The following TPRA1 variants were observed in gnomAD, a reference collection of about 807,000 sequenced individuals.
TPRA1 encodes transmembrane protein adipocyte-associated 1.
TPRA1 carries 28 observed loss-of-function variants against 40.1 expected under a neutral mutation model. That is an observed-to-expected ratio of 0.70 (90% confidence interval 0.52 to 0.96). The LOEUF (loss-of-function observed/expected upper bound fraction) is 0.96, where lower values mean the gene tolerates loss of function less well. Ranked by LOEUF, TPRA1 falls within the 40% of genes least tolerant of loss-of-function variation. The pLI, the probability that TPRA1 is intolerant of heterozygous loss-of-function variation, is 0.00. For missense variants in TPRA1, 441 were observed against 482.6 expected (o/e 0.91, Z 0.81); for synonymous variants, 219 against 209.7 (o/e 1.04, Z -0.38).
rs1312379880 is a variant in TPRA1 at position 127,572,589 on chromosome 3, G to A, written c.*932C>T. ...CCTGTCTGCTGGGGGCCTACTATGT[G>A]CCAAGCACTATTCTTGAGGCTAAAA... On this transcript the variant is annotated 3_prime_UTR_variant, in exon 11 of 11. Coordinates refer to ENST00000355552, the MANE Select transcript of TPRA1 (RefSeq NM_001136053.4). 6.6e-6 allele frequency among the ~76,000 whole-genome samples: 1 copy of A among 152,162 alleles called. No individual in the cohort carries two copies. Among genetic ancestry groups the A allele is most frequent in the East Asian group, 1.9e-4 (1 of 5,192 alleles).
chr3:127,589,061 G>A (rs1343660718), intron 1 of TPRA1, among the ~76,000 whole-genome samples: 2 of 151,412 alleles, frequency 1.3e-5, no homozygotes. Context: ...GAGCACCCTG[G>A]GCAACCCCAG....
At chr3:127,583,974 G>A (rs975982015) in intron 1 of TPRA1, among the ~76,000 whole-genome samples, 2 of 150,046 alleles carry the variant, frequency 1.3e-5, no homozygotes, top group Non-Finnish European at 3.0e-5. Context: ...CAGCCCACAC[G>A]TGCTTTTATT....
chr3:127,575,942 G>C lies in TPRA1; in HGVS notation c.607C>G (p.Leu203Val). The change falls in exon 7 of 11, where the codon CTG (leucine) becomes GTG (valine). Residue 203 changes from leucine (L) to valine (V), a missense_variant and splice_region_variant. By Grantham distance (32) the Leu-to-Val change is conservative. Coordinates refer to ENST00000355552, the MANE Select transcript of TPRA1 (RefSeq NM_001136053.4). The part of the protein sequence containing the change: ...FWLVSSCFFF[L>V]VYSLVVILPK... ...AGCTGCCCCAGCCTGAACCTCACCA[G>C]GAAGAAGAAGCAGGAGCTGACCAGC... 6.2e-7 allele frequency: 1 copy of C among 1,613,940 alleles called. No homozygotes were observed. Among genetic ancestry groups the C allele is most frequent in the South Asian group, 1.1e-5 (1 of 91,088 alleles).
In TPRA1 at chr3:127,572,126, C is replaced by A. The variant is rs542073464; in HGVS notation, c.*1395G>T. On this transcript the variant is annotated 3_prime_UTR_variant, in exon 11 of 11. Transcript: ENST00000355552. ...CCAGCTCACTGGCCGTACTGTTGGCCCTGTCCGCTATCAACCCTCCAGGCC... is the reference window on the plus strand; with the variant it reads ...CCAGCTCACTGGCCGTACTGTTGGCACTGTCCGCTATCAACCCTCCAGGCC... 6.6e-6 allele frequency among the ~76,000 whole-genome samples: 1 copy of A among 152,226 alleles called. No homozygotes were observed. Among genetic ancestry groups the A allele is most frequent in the Admixed American group, 6.5e-5 (1 of 15,288 alleles).
chr3:127,583,880 A>C (rs1378159238), intron 1 of TPRA1, among the ~76,000 whole-genome samples: 8 of 152,036 alleles, frequency 5.3e-5, no homozygotes, highest in Non-Finnish European at 1.2e-4. Flanking sequence ...CACGTTGGCC[A>C]GGATGGTCTC....
chr3:127,574,937 CATGTGT>C lies in TPRA1; in HGVS notation c.854+242_854+247del, dbSNP rs1287053706. The stretch of plus-strand genomic sequence containing the variant: ...ATGTGCGTGTTTGTGTGTGCATGTG[CATGTGT>C]GCATGCTTGTGCATCCGTGTGTGCA... On this transcript the variant is annotated intron_variant, in intron 10 of 10. Transcript: ENST00000355552. 1.6e-4 allele frequency: 87 copies of C among 559,720 alleles called. No homozygotes were observed. The South Asian group carries it at 1.7e-3, about 11-fold the overall frequency. The allele number at this position is 559,720 out of a possible 1,614,324, so 34.7% of individuals were successfully genotyped here. A position where few individuals can be genotyped will look rare whatever the true frequency, so the allele number is the denominator to read the frequency against.
At position 127,590,707 on chromosome 3, in the gene TPRA1, C is replaced by A. The variant is rs1320063017; in HGVS notation, c.-315G>T. On this transcript the variant is annotated 5_prime_UTR_variant, in exon 1 of 11. Transcript: ENST00000355552. ...AGCAAGACCGTCTTTTTCGTCCAGCCCAAATTGCGAAAACGGCCACAGTCC... is the reference window on the plus strand; with the variant it reads ...AGCAAGACCGTCTTTTTCGTCCAGCACAAATTGCGAAAACGGCCACAGTCC... 1 of 152,354 alleles carries A rather than the reference C, an allele frequency of 6.6e-6. No homozygotes were observed. Among genetic ancestry groups the A allele is most frequent in the South Asian group, 2.1e-4 (1 of 4,840 alleles). The allele number at this position is 152,354 out of a possible 1,614,324, so 9.4% of individuals were successfully genotyped here.
chr3:127,592,455 G>A (rs1342939676), upstream of TPRA1, among the ~76,000 whole-genome samples: 1 of 139,394 alleles, frequency 7.2e-6, no homozygotes, highest in Non-Finnish European at 1.5e-5. Context: ...GCGCAATCTC[G>A]GCTCACTGCA....
rs115088402 is a variant in TPRA1, at chr3:127,583,512, T to A, written c.-17-3349A>T. ...GACCTTGCCTCAAAAAAGAATAAAT[T>A]AATTAATTAAAAATAATAAAATGAG... On this transcript the variant is annotated intron_variant, in intron 1 of 10. Transcript: ENST00000355552. 2.6e-3 allele frequency among the ~76,000 whole-genome samples: 399 copies of A among 151,976 alleles called. 4 individuals carry two copies. The highest frequency in any genetic ancestry group is 9.1e-3 in the African/African-American group (378 of 41,472).
In TPRA1 at chr3:127,576,393, C is replaced by T. The variant is rs138653479; in HGVS notation, c.498+224G>A. Among the ~76,000 whole-genome samples, 122 of 152,288 alleles carry T rather than the reference C, an allele frequency of 8.0e-4. 2 individuals carry two copies. The East Asian group carries it at 0.017, about 22-fold the overall frequency. On this transcript the variant is annotated intron_variant, in intron 6 of 10. Transcript: ENST00000355552. The surrounding 1 kb of genome is among the most constrained non-coding windows in gnomAD (Gnocchi z 4.6). Reference sequence around the variant, plus strand: ...TCCCTACCTGAACTCCTTATTAAAACGGCAAGTCCTGAGCCTCCCATCCTG... The same window carrying T: ...TCCCTACCTGAACTCCTTATTAAAATGGCAAGTCCTGAGCCTCCCATCCTG...
upstream of TPRA1, among the ~76,000 whole-genome samples, chr3:127,592,275 G>A (rs2074186400): frequency 2.6e-5 from 4 of 151,820 alleles, no homozygotes; most frequent in Admixed American, 2.6e-4. Context: ...GTGTGACCAG[G>A]CCTAATAACT....
At chr3:127,584,833 T>G (rs1390911923) in intron 1 of TPRA1, among the ~76,000 whole-genome samples, 1 of 152,204 alleles carries the variant, frequency 6.6e-6, no homozygotes, top group Non-Finnish European at 1.5e-5. Flanking sequence ...AAAGAACTTT[T>G]TTTTTGTTAT....
chr3:127,586,397 T>G (rs1314329358), intron 1 of TPRA1, among the ~76,000 whole-genome samples: 2 of 152,112 alleles, frequency 1.3e-5, no homozygotes, highest in Non-Finnish European at 2.9e-5. Context: ...CAGGCTAGAG[T>G]GCAGTGGTGC....
chr3:127,590,467 G>A lies in TPRA1; in HGVS notation c.-75C>T, dbSNP rs11547209. 169 of 152,398 alleles carry A rather than the reference G, an allele frequency of 1.1e-3. 2 individuals carry two copies. The East Asian group carries it at 0.031, about 28-fold the overall frequency. The allele number at this position is 152,398 out of a possible 1,614,324, so 9.4% of individuals were successfully genotyped here. A position where few individuals can be genotyped will look rare whatever the true frequency, so the allele number is the denominator to read the frequency against. The stretch of plus-strand genomic sequence containing the variant: ...CCCCGGCCGCCCCGGCCGCCCATCC[G>A]CCGCCACTGGGTGTGCGCGGATCCA... On this transcript the variant is annotated 5_prime_UTR_variant, in exon 1 of 11. Transcript: ENST00000355552.
At chr3:127,589,644 C>T (rs1576398999) in intron 1 of TPRA1, among the ~76,000 whole-genome samples, 2 of 152,116 alleles carry the variant, frequency 1.3e-5, no homozygotes, top group South Asian at 2.1e-4. Flanking sequence ...CTGGTCCGTT[C>T]CTCAGGGCCT....
chr3:127,583,002 C>T (rs2107647895), intron 1 of TPRA1, among the ~76,000 whole-genome samples: 1 of 152,080 alleles, frequency 6.6e-6, no homozygotes, highest in East Asian at 1.9e-4. Context: ...AAAAATTAGC[C>T]GGGCATGGTG....
chr3:127,573,612 AC>A lies in TPRA1; in HGVS notation c.1030del (p.Val344TrpfsTer164), dbSNP rs1246428533. 6.2e-7 allele frequency: 1 copy of A among 1,612,730 alleles called. No homozygotes were observed. The highest frequency in any genetic ancestry group is 2.2e-5 in the East Asian group (1 of 44,866). ...GGAAGCGATGTCATCCAGGTAGGCC[AC>A]CCCGCCGGCAGAGTCGAACTGCGTG... is the stretch of plus-strand genomic sequence containing the variant. ...SSTQFDSAGGVAYLDDIASMP... is the reference protein window; with the variant it reads ...SSTQFDSAGGXAYLDDIASMP... On this transcript the variant is annotated frameshift_variant, in exon 11 of 11. Coordinates refer to ENST00000355552, the MANE Select transcript of TPRA1 (RefSeq NM_001136053.4). LOFTEE classifies it high-confidence loss of function.
chr3:127,577,184 G>T, intron 3 of TPRA1, 108 bp from the exon 4 acceptor site: 2 of 1,175,382 alleles, frequency 1.7e-6, no homozygotes, highest in South Asian at 1.3e-5. Context: ...CCTGAGGTCG[G>T]AAAGGAGGAA....
Position 127,576,040 on chromosome 3 carries a change from T to C in TPRA1, c.509A>G (p.Glu170Gly), listed in dbSNP as rs755922783. 2 of 1,613,754 alleles carry C rather than the reference T, an allele frequency of 1.2e-6. No homozygotes were observed. Among genetic ancestry groups the C allele is most frequent in the Non-Finnish European group, 1.7e-6 (2 of 1,179,886 alleles). Residue 170 changes from glutamate to glycine, a missense_variant, in exon 7 of 11, where the codon GAG (glutamate) becomes GGG (glycine). Transcript: ENST00000355552. The surrounding 1 kb of genome is among the most constrained non-coding windows in gnomAD (Gnocchi z 4.6). ...LAYSVTQGTL[E>G]ILYPDAHLSA... Reference sequence around the variant, plus strand: ...GAGATGGGCATCAGGGTACAGGATCTCCAGGGTCCCCTGCAGGGGCAAGCA... The same window carrying C: ...GAGATGGGCATCAGGGTACAGGATCCCCAGGGTCCCCTGCAGGGGCAAGCA...
Sources: gnomAD v4.1 joint callset for allele counts (sites outside exome capture counted in the v4.1 genomes callset) on GRCh38, gnomAD v4.1.1 for gene constraint, Gnocchi (gnomAD v3.1) non-coding constraint, MANE v1.5 for transcripts, NCBI Gene and HGNC (gene_info 2026-07-23, HGNC 2026-07-21) for gene names.